Variants in PLAA observed in about 807,000 individuals in gnomAD.
The protein encoded by PLAA is phospholipase A-2-activating protein.
A neutral mutation model predicts 84.1 loss-of-function variants in PLAA; 48 were observed. The observed-to-expected ratio is 0.57, with a 90% CI of 0.45 to 0.73. PLAA has a LOEUF of 0.73. PLAA is among the 30% of genes least tolerant of loss of function. PLAA has a pLI of 0.00. For missense variants in PLAA, 903 were observed against 954.7 expected (o/e 0.95, Z 0.71); for synonymous variants, 392 against 336.6 (o/e 1.16, Z -1.80).
At chr9:26,915,289 G>A (rs1304464868) in intron 10 of PLAA, among the ~76,000 whole-genome samples, 1 of 151,682 alleles carries the variant, frequency 6.6e-6, no homozygotes, top group African/African-American at 2.4e-5. Flanking sequence ...AGAGATCAGA[G>A]CATGAATAAT....
Position 26,905,955 on chromosome 9 carries a change from G to A in PLAA, c.1944C>T (p.Asn648=). The A allele has an allele frequency of 1.9e-6, 3 of 1,614,084 alleles. No individual in the cohort carries two copies. Among genetic ancestry groups the A allele is most frequent in the African/African-American group, 2.7e-5 (2 of 74,994 alleles). The change falls in exon 14 of 14, where the codon AAC becomes AAT. Residue 648 remains asparagine, a synonymous_variant. Transcript: ENST00000397292. The part of the protein sequence containing the change: ...QFSSHLINLL[N]PKGKPANQLL... ...GCTGGTTTGCTGGCTTTCCTTTAGG[G>A]TTCAGAAGATTGATAAGATGACTGC...
chr9:26,906,198 ATG>A, intron 13 of PLAA, 122 bp from the exon 14 acceptor site: 1 of 579,840 alleles, frequency 1.7e-6, no homozygotes, highest in Admixed American at 3.7e-5. Flanking sequence ...GTGAAAAATC[ATG>A]TGTCTGCTTT....
At chr9:26,916,008 C>T (rs762963304) in intron 10 of PLAA, 119 of 985,212 alleles carry the variant, frequency 1.2e-4, no homozygotes, top group Non-Finnish European at 1.4e-4. Context: ...TCCTTAACAG[C>T]CACTGTGCCA....
chr9:26,933,763 T>C (rs533258979), intron 2 of PLAA, among the ~76,000 whole-genome samples: 2 of 126,712 alleles, frequency 1.6e-5, no homozygotes, highest in South Asian at 2.5e-4. Flanking sequence ...CATTCCAGCC[T>C]GGGCGACAGA....
At chr9:26,945,023 A>G (rs768944270) in intron 1 of PLAA, among the ~76,000 whole-genome samples, 12 of 152,168 alleles carry the variant, frequency 7.9e-5, no homozygotes, top group Non-Finnish European at 1.5e-4. Context: ...GCTTCTTGGG[A>G]GGCTGAGGCA....
Position 26,937,752 on chromosome 9 carries a change from C to G in PLAA, c.150-2546G>C, listed in dbSNP as rs566766025. On this transcript the variant is annotated intron_variant, in intron 1 of 13. Transcript: ENST00000397292. ...ATTATGAAGATGAAAGGTATGATAA[C>G]TGAAATGAAATTATTCACTAGACAA... 8.6e-5 allele frequency among the ~76,000 whole-genome samples: 13 copies of G among 151,774 alleles called. 2 individuals are homozygous for G. Among genetic ancestry groups the G allele is most frequent in the African/African-American group, 3.1e-4 (13 of 41,360 alleles).
chr9:26,934,524 G>C (rs1266146427), intron 2 of PLAA, among the ~76,000 whole-genome samples: 1 of 143,680 alleles, frequency 7.0e-6, no homozygotes, highest in African/African-American at 2.6e-5. Context: ...CTGTCACCCA[G>C]GCTGGAGTGC....
intron 5 of PLAA, among the ~76,000 whole-genome samples, 163 bp from the exon 6 acceptor site, chr9:26,926,123 A>C (rs1397667187): frequency 6.6e-6 from 1 of 152,212 alleles, no homozygotes; most frequent in African/African-American, 2.4e-5. Flanking sequence ...CTTCAAAATC[A>C]CATTTTTTAT....
At chr9:26,910,798 C>G (rs977122186) in intron 11 of PLAA, among the ~76,000 whole-genome samples, 1 of 152,010 alleles carries the variant, frequency 6.6e-6, no homozygotes, top group African/African-American at 2.4e-5. Flanking sequence ...GCTGGGATTA[C>G]AGGTGTGAGC....
At chr9:26,930,836 G>C (rs1825160455) in intron 2 of PLAA, among the ~76,000 whole-genome samples, 1 of 151,808 alleles carries the variant, frequency 6.6e-6, no homozygotes, top group African/African-American at 2.4e-5. Flanking sequence ...ACCCACCTCG[G>C]CCTCCCAAAG....
intron 6 of PLAA, among the ~76,000 whole-genome samples, chr9:26,924,720 C>G (rs530156781): frequency 6.6e-6 from 1 of 152,278 alleles, no homozygotes; most frequent in Non-Finnish European, 1.5e-5. Context: ...TTCCTTTGTT[C>G]TGTTTAACCT....
intron 1 of PLAA, among the ~76,000 whole-genome samples, chr9:26,942,206 T>C (rs972484548): frequency 3.9e-5 from 6 of 152,218 alleles, no homozygotes; most frequent in Admixed American, 1.3e-4. Context: ...AGAGGTTATG[T>C]TCCAATAAGG....
At chr9:26,918,881 T>A (rs2131378665) in intron 9 of PLAA, among the ~76,000 whole-genome samples, 1 of 152,230 alleles carries the variant, frequency 6.6e-6, no homozygotes, top group African/African-American at 2.4e-5. Context: ...TACAAACAAT[T>A]AACTTAAAAT....
At chr9:26,933,655 A>G (rs1045529327) in intron 2 of PLAA, among the ~76,000 whole-genome samples, 1 of 149,768 alleles carries the variant, frequency 6.7e-6, no homozygotes, top group Admixed American at 6.6e-5. Context: ...CGGGCGTGGT[A>G]GCAGGCGCCT....
chr9:26,926,335 A>C (rs887134004), intron 5 of PLAA, 58 bp downstream of exon 5: 81 of 1,134,208 alleles, frequency 7.1e-5, no homozygotes, highest in Non-Finnish European at 1.0e-4. Context: ...CATCTCACAA[A>C]TGGGATGGAA....
chr9:26,911,337 G>A (rs1218233972), intron 11 of PLAA, among the ~76,000 whole-genome samples: 1 of 152,210 alleles, frequency 6.6e-6, no homozygotes, highest in African/African-American at 2.4e-5. Flanking sequence ...ATTTTTAGTA[G>A]AGACAGGGTT....
chr9:26,923,629 AC>A (rs1231348608), intron 6 of PLAA, among the ~76,000 whole-genome samples: 1 of 152,222 alleles, frequency 6.6e-6, no homozygotes, highest in Non-Finnish European at 1.5e-5. Flanking sequence ...TATAGTATGT[AC>A]TTTTAAAGTC....
intron 4 of PLAA, among the ~76,000 whole-genome samples, chr9:26,927,127 C>CTTTTTTTTTTTTTTTT (rs10672584): frequency 1.5e-5 from 2 of 136,784 alleles, no homozygotes; most frequent in Admixed American, 7.6e-5. Flanking sequence ...TTTTGTTTTT[C>CTTTTTTTTTTTTTTTT]TTTTTTTTTT....
At chr9:26,928,067 T>A in intron 4 of PLAA, 33 bp downstream of exon 4, 1 of 1,571,534 alleles carries the variant, frequency 6.4e-7, no homozygotes, top group Non-Finnish European at 8.6e-7. Flanking sequence ...TAAAAAGCAA[T>A]GATATTATAA....
Sources: gnomAD v4.1 joint callset for allele counts (sites outside exome capture counted in the v4.1 genomes callset) on GRCh38, gnomAD v4.1.1 for gene constraint, MANE v1.5 for transcripts, NCBI Gene and HGNC (gene_info 2026-07-23, HGNC 2026-07-21) for gene names.